ZNF804B: variants seen among roughly 807,000 people sequenced by gnomAD.
ZNF804B encodes the protein zinc finger 804B.
Under a neutral mutation model 101.4 loss-of-function variants are expected in ZNF804B, and 80 were observed. The observed-to-expected ratio is 0.79, with a 90% CI of 0.66 to 0.95. The LOEUF (loss-of-function observed/expected upper bound fraction) is 0.95, where lower values mean the gene tolerates loss of function less well. Among genes scored for constraint, ZNF804B ranks in the 40% least tolerant of loss-of-function variants. The pLI is 0.00. For synonymous variants in ZNF804B, 622 were observed against 558.8 expected (o/e 1.11, Z -1.59); for missense variants, 1,673 against 1,561.9 (o/e 1.07, Z -1.20).
At chr7:89,327,512 C>G in intron 3 of ZNF804B, 38 bp downstream of exon 3, 5 of 1,587,976 alleles carry the variant, frequency 3.1e-6, no homozygotes, top group Non-Finnish European at 4.3e-6. Context: ...TCAAAACTCT[C>G]GTCAACCTAT....
intron 1 of ZNF804B, among the ~76,000 whole-genome samples, chr7:88,792,407 C>G (rs1790394902): frequency 1.3e-5 from 2 of 151,978 alleles, no homozygotes; most frequent in Non-Finnish European, 2.9e-5. Flanking sequence ...ATAATATTCC[C>G]AAACAAAATT....
chr7:88,960,267 C>G (rs1389097307), intron 1 of ZNF804B, among the ~76,000 whole-genome samples: 1 of 151,254 alleles, frequency 6.6e-6, no homozygotes, highest in African/African-American at 2.4e-5. Flanking sequence ...AGACCCCACC[C>G]CTACCGTCAA....
At chr7:89,185,977 C>T (rs146767476) in intron 1 of ZNF804B, among the ~76,000 whole-genome samples, 1,624 of 151,892 alleles carry the variant, frequency 0.011, 29 homozygotes, top group African/African-American at 0.037. Context: ...TAGAATAATA[C>T]GTTCTTATAT....
At chr7:89,097,823 T>C (rs936541131) in intron 1 of ZNF804B, among the ~76,000 whole-genome samples, 2 of 152,202 alleles carry the variant, frequency 1.3e-5, no homozygotes, top group African/African-American at 4.8e-5. Context: ...TATTTTATAA[T>C]GAATCTTCTT....
At chr7:89,320,779 A>G (rs1790806135) in intron 2 of ZNF804B, among the ~76,000 whole-genome samples, 1 of 152,152 alleles carries the variant, frequency 6.6e-6, no homozygotes, top group Non-Finnish European at 1.5e-5. Flanking sequence ...GGGGATAAAA[A>G]AGAAACTTTA....
chr7:88,947,050 CT>C (rs928307365), intron 1 of ZNF804B, among the ~76,000 whole-genome samples: 17 of 151,990 alleles, frequency 1.1e-4, no homozygotes, highest in African/African-American at 2.4e-5. Context: ...ATTAGGAATG[CT>C]TTTACACTTT....
chr7:88,983,503 C>T (rs1793720062), intron 1 of ZNF804B, among the ~76,000 whole-genome samples: 1 of 151,828 alleles, frequency 6.6e-6, no homozygotes, highest in African/African-American at 2.4e-5. Flanking sequence ...GTAGATACTA[C>T]ACTGTCCAAT....
chr7:89,102,302 G>A (rs1044007735), intron 1 of ZNF804B, among the ~76,000 whole-genome samples: 4 of 151,866 alleles, frequency 2.6e-5, no homozygotes, highest in Non-Finnish European at 2.9e-5. Flanking sequence ...AACAGTATGT[G>A]AGCATTCCTT....
At chr7:88,833,100 A>G (rs1300783980) in intron 1 of ZNF804B, among the ~76,000 whole-genome samples, 1 of 150,096 alleles carries the variant, frequency 6.7e-6, no homozygotes, top group Non-Finnish European at 1.5e-5. Context: ...CATAATATAA[A>G]TTTGCAATTT....
chr7:89,051,701 T>G (rs1212037338), intron 1 of ZNF804B, among the ~76,000 whole-genome samples: 1 of 152,172 alleles, frequency 6.6e-6, no homozygotes, highest in African/African-American at 2.4e-5. Context: ...TGAGTTTTAT[T>G]TCATCTTATA....
chr7:88,837,777 A>G (rs997015255), intron 1 of ZNF804B, among the ~76,000 whole-genome samples: 51 of 151,962 alleles, frequency 3.4e-4, no homozygotes, highest in African/African-American at 1.2e-3. Context: ...TCAAAATAAC[A>G]TATTGCAACA....
At chr7:89,227,043 T>C (rs919418813) in intron 2 of ZNF804B, among the ~76,000 whole-genome samples, 1 of 152,184 alleles carries the variant, frequency 6.6e-6, no homozygotes, top group African/African-American at 2.4e-5. Flanking sequence ...ATAGCTATTG[T>C]TCTAGGACTT....
At chr7:88,906,275 CT>C (rs1212030585) in intron 1 of ZNF804B, among the ~76,000 whole-genome samples, 1 of 151,982 alleles carries the variant, frequency 6.6e-6, no homozygotes, top group Non-Finnish European at 1.5e-5. Context: ...TTATTCTCCA[CT>C]TTTAGTTATT....
chr7:88,851,022 A>T (rs150296687), intron 1 of ZNF804B, among the ~76,000 whole-genome samples: 309 of 152,234 alleles, frequency 2.0e-3, no homozygotes, highest in African/African-American at 7.2e-3. Context: ...ACTGGTTGAG[A>T]TTAACAGAAG....
At chr7:89,124,943 C>T (rs10261562) in intron 1 of ZNF804B, among the ~76,000 whole-genome samples, 41,151 of 151,462 alleles carry the variant, frequency 0.27, 5,960 homozygotes, top group African/African-American at 0.4. Context: ...GGCTGGATAG[C>T]GTTATGTTTT....
At chr7:89,184,740 G>A (rs1047522437) in intron 1 of ZNF804B, among the ~76,000 whole-genome samples, 1 of 152,080 alleles carries the variant, frequency 6.6e-6, no homozygotes, top group African/African-American at 2.4e-5. Context: ...TTACTCTAGA[G>A]AGCTATATTT....
Position 89,254,437 on chromosome 7 carries a change from A to G in ZNF804B, c.249+36142A>G, listed in dbSNP as rs545846101. 6.6e-5 allele frequency among the ~76,000 whole-genome samples: 10 copies of G among 151,608 alleles called. No homozygotes were observed. In the East Asian group the frequency reaches 1.9e-3, roughly 29 times the overall value. The stretch of plus-strand genomic sequence containing the variant: ...TAGGAAGAAGACTACATACAATTTT[A>G]TGGAAGGATATTAAAGAATACCTAA... On this transcript the variant is annotated intron_variant, in intron 2 of 3. Transcript: ENST00000333190.
chr7:89,287,324 G>A (rs948498082), intron 2 of ZNF804B, among the ~76,000 whole-genome samples: 8 of 152,010 alleles, frequency 5.3e-5, no homozygotes, highest in Admixed American at 2.0e-4. Flanking sequence ...ATACATACAC[G>A]TGCACACACA....
intron 2 of ZNF804B, among the ~76,000 whole-genome samples, chr7:89,229,243 T>C (rs1677087839): frequency 6.6e-6 from 1 of 152,194 alleles, no homozygotes; most frequent in African/African-American, 2.4e-5. Flanking sequence ...GAGGAGGCGC[T>C]GAGAGTGAGC....
Sources: allele counts gnomAD v4.1 joint callset (sites outside exome capture counted in the v4.1 genomes callset), GRCh38; gene constraint gnomAD v4.1.1; transcripts MANE v1.5; gene names NCBI Gene and HGNC (gene_info 2026-07-23, HGNC 2026-07-21).